Variants in CNTNAP2 observed in about 807,000 individuals in gnomAD.
CNTNAP2 encodes the protein contactin associated protein 2.
A neutral mutation model predicts 155.2 loss-of-function variants in CNTNAP2; 98 were observed. The ratio of observed to expected loss-of-function variants is 0.63; its 90% CI spans 0.54 to 0.75. CNTNAP2 has a LOEUF of 0.75. CNTNAP2 is among the 30% of genes least tolerant of loss of function. The pLI is 0.00. For synonymous variants in CNTNAP2, 651 were observed against 631.2 expected (o/e 1.03, Z -0.47); for missense variants, 1,727 against 1,688.1 (o/e 1.02, Z -0.40).
chr7:146,212,966 T>A (rs945904616), intron 1 of CNTNAP2, among the ~76,000 whole-genome samples: 10 of 152,144 alleles, frequency 6.6e-5, no homozygotes, highest in South Asian at 2.1e-4. Context: ...ACAGTGTTCC[T>A]CATTGATTCA....
At chr7:146,432,505 A>G (rs976032695) in intron 1 of CNTNAP2, among the ~76,000 whole-genome samples, 5 of 152,146 alleles carry the variant, frequency 3.3e-5, no homozygotes, top group Non-Finnish European at 7.4e-5. Context: ...GGAACAAACA[A>G]TATATAGAAT....
chr7:146,333,247 C>G (rs935403150), intron 1 of CNTNAP2, among the ~76,000 whole-genome samples: 20 of 152,050 alleles, frequency 1.3e-4, no homozygotes, highest in Non-Finnish European at 2.9e-4. Context: ...GCCCGGCCCC[C>G]ATTTCTTCTT....
intron 3 of CNTNAP2, among the ~76,000 whole-genome samples, chr7:147,027,825 T>C (rs575714297): frequency 2.6e-5 from 4 of 152,272 alleles, no homozygotes; most frequent in African/African-American, 9.6e-5. Context: ...ACAAGAGCCA[T>C]GGACATGACA....
At chr7:146,870,647 A>G (rs1225462654) in intron 3 of CNTNAP2, among the ~76,000 whole-genome samples, 2 of 152,168 alleles carry the variant, frequency 1.3e-5, no homozygotes, top group African/African-American at 4.8e-5. Flanking sequence ...TTTCTCATTC[A>G]AACTAACTTA....
intron 2 of CNTNAP2, among the ~76,000 whole-genome samples, chr7:146,814,200 C>T (rs1470486682): frequency 6.6e-6 from 1 of 152,098 alleles, no homozygotes; most frequent in African/African-American, 2.4e-5. Context: ...GACTGATGGT[C>T]TCTTGAGCCC....
chr7:146,955,888 ATTAC>A (rs1563019790), intron 3 of CNTNAP2, among the ~76,000 whole-genome samples: 1 of 152,092 alleles, frequency 6.6e-6, no homozygotes, highest in African/African-American at 2.4e-5. Flanking sequence ...TATTAAATGT[ATTAC>A]TTACCGCAGT....
chr7:146,720,169 T>C (rs1801260705), intron 1 of CNTNAP2, among the ~76,000 whole-genome samples: 1 of 152,142 alleles, frequency 6.6e-6, no homozygotes, highest in African/African-American at 2.4e-5. Flanking sequence ...AGAAGGTGTT[T>C]AGTTGTCCAC....
intron 1 of CNTNAP2, among the ~76,000 whole-genome samples, chr7:146,223,129 C>A (rs1562995755): frequency 6.6e-6 from 1 of 152,156 alleles, no homozygotes; most frequent in African/African-American, 2.4e-5. Context: ...CACCTTTGAG[C>A]TATATCCCAT....
At chr7:146,198,988 C>T (rs1045886160) in intron 1 of CNTNAP2, among the ~76,000 whole-genome samples, 2 of 152,156 alleles carry the variant, frequency 1.3e-5, no homozygotes, top group African/African-American at 4.8e-5. Context: ...ATTTAGTCAA[C>T]ACAACCAAAT....
At chr7:147,275,802 T>A (rs558107385) in intron 8 of CNTNAP2, among the ~76,000 whole-genome samples, 5 of 152,232 alleles carry the variant, frequency 3.3e-5, no homozygotes, top group African/African-American at 7.2e-5. Flanking sequence ...GCTGTGAGTT[T>A]GTCATTTATC....
chr7:147,891,227 C>T (rs1048521425), intron 13 of CNTNAP2, among the ~76,000 whole-genome samples: 5 of 147,736 alleles, frequency 3.4e-5, no homozygotes, highest in Non-Finnish European at 5.9e-5. Context: ...TTTTTTGAGA[C>T]GGAGTCTCAC....
At chr7:146,670,015 A>G (rs2642518) in intron 1 of CNTNAP2, among the ~76,000 whole-genome samples, 123,079 of 152,132 alleles carry the variant, frequency 0.81, 50,397 homozygotes, top group South Asian at 0.91. Context: ...AGAGAATTCA[A>G]TCTATAATAG....
intron 1 of CNTNAP2, among the ~76,000 whole-genome samples, chr7:146,661,276 G>A (rs1176353656): frequency 6.6e-6 from 1 of 151,854 alleles, no homozygotes; most frequent in African/African-American, 2.4e-5. Context: ...ATACTTAAGG[G>A]CTTTTAGGTT....
chr7:147,669,776 C>T (rs1441117282), intron 13 of CNTNAP2, among the ~76,000 whole-genome samples: 1 of 152,212 alleles, frequency 6.6e-6, no homozygotes, highest in African/African-American at 2.4e-5. Flanking sequence ...TGGTCTTCTC[C>T]ATCCTTCCAG....
Position 148,150,102 on chromosome 7 carries a change from CAAAAAAAA to C in CNTNAP2, c.2773+2414_2773+2421del, listed in dbSNP as rs71188948. 4.7e-5 allele frequency among the ~76,000 whole-genome samples: 4 copies of C among 84,534 alleles called. 1 individual carries two copies. Among genetic ancestry groups the C allele is most frequent in the South Asian group, 7.8e-4 (2 of 2,554 alleles). The allele number at this position is 84,534 out of a possible 152,430, so 55.5% of individuals were successfully genotyped here. A position where few individuals can be genotyped will look rare whatever the true frequency, so the allele number is the denominator to read the frequency against. On this transcript the variant is annotated intron_variant, in intron 17 of 23. Transcript: ENST00000361727. ...TCAGGTGAAGTGAGAGGGGTTGTTACAAAAAAAAAAAAAAAAAAAAAAAAAAAAGGACG... is the reference window on the plus strand; with the variant it reads ...TCAGGTGAAGTGAGAGGGGTTGTTACAAAAAAAAAAAAAAAAAAAAGGACG...
At chr7:146,816,575 G>A (rs1292314034) in intron 2 of CNTNAP2, among the ~76,000 whole-genome samples, 2 of 152,200 alleles carry the variant, frequency 1.3e-5, no homozygotes, top group African/African-American at 4.8e-5. Context: ...TGGAACTTGG[G>A]CGTATACCAC....
At chr7:147,629,568 A>G (rs1025513136) in intron 12 of CNTNAP2, among the ~76,000 whole-genome samples, 4 of 152,148 alleles carry the variant, frequency 2.6e-5, no homozygotes, top group Non-Finnish European at 1.5e-5. Flanking sequence ...AAGATAGACC[A>G]TATGATAGCT....
intron 1 of CNTNAP2, among the ~76,000 whole-genome samples, chr7:146,678,770 CAATT>C (rs1800448682): frequency 6.6e-6 from 1 of 152,058 alleles, no homozygotes; most frequent in Non-Finnish European, 1.5e-5. Flanking sequence ...TTTGTATAGA[CAATT>C]AATATAGAAC....
chr7:148,322,826 A>G lies in CNTNAP2; in HGVS notation c.3475+55700A>G, dbSNP rs917781807. 2.6e-5 allele frequency among the ~76,000 whole-genome samples: 3 copies of G among 115,602 alleles called. No individual in the cohort carries two copies. The Admixed American group carries it at 2.8e-4, about 11-fold the overall frequency. The allele number at this position is 115,602 out of a possible 152,430, so 75.8% of individuals were successfully genotyped here. On this transcript the variant is annotated intron_variant, in intron 21 of 23. Transcript: ENST00000361727. ...TTTTTTTTTTTCAAATTTTTTCCTC[A>G]CTTCTAAGTTTCATTCAGGGACTAC...
Sources: gnomAD v4.1 joint callset for allele counts (sites outside exome capture counted in the v4.1 genomes callset) on GRCh38, gnomAD v4.1.1 for gene constraint, MANE v1.5 for transcripts, NCBI Gene and HGNC (gene_info 2026-07-23, HGNC 2026-07-21) for gene names.